The following LRCH1 variants were observed in gnomAD, a reference collection of about 807,000 sequenced individuals.
LRCH1 encodes the protein leucine-rich repeat and calponin homology domain-containing protein 1.
A neutral mutation model predicts 94.9 loss-of-function variants in LRCH1; 23 were observed. The observed-to-expected ratio is 0.24, with a 90% CI of 0.17 to 0.34. LRCH1 has a LOEUF of 0.34. Ranked by LOEUF, LRCH1 falls within the 10% of genes least tolerant of loss-of-function variation. The probability of loss-of-function intolerance (pLI) is 1.00; values close to 1 mark genes in which losing one functional copy is unlikely to be tolerated. For synonymous variants in LRCH1, 364 were observed against 354.9 expected, an observed-to-expected ratio of 1.03 and a Z score of -0.29; for missense variants, 790 against 945.9, an observed-to-expected ratio of 0.84 and a Z score of 2.16.
intron 1 of LRCH1, among the ~76,000 whole-genome samples, chr13:46,644,703 T>C (rs914733607): frequency 1.3e-5 from 2 of 152,178 alleles, no homozygotes; most frequent in African/African-American, 2.4e-5. Flanking sequence ...AGGTGAATTC[T>C]CACTAACTCA....
chr13:46,658,492 T>C (rs1204271164), intron 2 of LRCH1, among the ~76,000 whole-genome samples: 2 of 152,192 alleles, frequency 1.3e-5, no homozygotes, highest in African/African-American at 4.8e-5. Context: ...TTTTCATTTT[T>C]GGTGATGGGC....
At chr13:46,674,587 G>A (rs532841942) in intron 3 of LRCH1, among the ~76,000 whole-genome samples, 47 of 152,332 alleles carry the variant, frequency 3.1e-4, no homozygotes, top group African/African-American at 1.1e-3. Flanking sequence ...CCTCACTGCT[G>A]TAGCAGTATG....
At chr13:46,715,762 C>T (rs916904245) in intron 16 of LRCH1, 98 bp downstream of exon 16, 1 of 748,256 alleles carries the variant, frequency 1.3e-6, no homozygotes, top group Non-Finnish European at 2.3e-6. Context: ...AGTATATTCA[C>T]CTGCATGCTT....
intron 2 of LRCH1, among the ~76,000 whole-genome samples, chr13:46,654,640 G>A (rs554491502): frequency 1.3e-5 from 2 of 152,298 alleles, no homozygotes; most frequent in South Asian, 2.1e-4. Flanking sequence ...TAATTTTGAT[G>A]TATGGGGAAG....
In LRCH1 at chr13:46,692,638, A is replaced by G; in HGVS notation, c.1117A>G (p.Lys373Glu). 1.9e-6 allele frequency: 3 copies of G among 1,612,124 alleles called. No homozygotes were observed. Among genetic ancestry groups the G allele is most frequent in the Non-Finnish European group, 2.5e-6 (3 of 1,178,556 alleles). Reference protein sequence around the residue: ...EDSCHRLSPVKGEFHQEFQPE... With the variant: ...EDSCHRLSPVEGEFHQEFQPE... ...CTCGTGCCATCGCCTTAGCCCCGTTAAAGGTCTGAGAATAAAAATGTGGAG... is the reference window on the plus strand; with the variant it reads ...CTCGTGCCATCGCCTTAGCCCCGTTGAAGGTCTGAGAATAAAAATGTGGAG... Residue 373 changes from lysine (K) to glutamate (E), a missense_variant, in exon 8 of 20, where the codon AAA becomes GAA. Physicochemically the swap from Lys to Glu is moderately conservative, Grantham distance 56. Transcript: ENST00000389797.
At chr13:46,619,096 C>CTTCT (rs752234675) in intron 1 of LRCH1, among the ~76,000 whole-genome samples, 2 of 60,472 alleles carry the variant, frequency 3.3e-5, no homozygotes, top group African/African-American at 1.2e-4. Flanking sequence ...TCCTTCCTTC[C>CTTCT]TTCCTTCCTT....
chr13:46,749,564 T>C (rs972336394), downstream of LRCH1, among the ~76,000 whole-genome samples: 1 of 152,200 alleles, frequency 6.6e-6, no homozygotes, highest in African/African-American at 2.4e-5. Flanking sequence ...CCACAATGTA[T>C]ACTTTTATCA....
intron 2 of LRCH1, among the ~76,000 whole-genome samples, chr13:46,652,395 G>GCT (rs1555278365): frequency 1.4e-5 from 2 of 146,604 alleles, no homozygotes; most frequent in Non-Finnish European, 3.0e-5. Context: ...TGTTTTTTTT[G>GCT]TTTTTTTTTT....
intron 1 of LRCH1, among the ~76,000 whole-genome samples, chr13:46,590,746 A>C (rs1212435575): frequency 6.6e-6 from 1 of 152,172 alleles, no homozygotes; most frequent in Non-Finnish European, 1.5e-5. Flanking sequence ...CCACAACTGA[A>C]TTGTCTATGC....
At chr13:46,723,158 A>G (rs922655455) in intron 16 of LRCH1, 63 bp from the exon 17 acceptor site, 2 of 805,598 alleles carry the variant, frequency 2.5e-6, no homozygotes, top group Non-Finnish European at 4.0e-6. Flanking sequence ...GTTTGATTTT[A>G]ATATGAATAG....
intron 2 of LRCH1, among the ~76,000 whole-genome samples, chr13:46,658,610 G>C (rs2051405893): frequency 6.6e-6 from 1 of 152,122 alleles, no homozygotes; most frequent in African/African-American, 2.4e-5. Context: ...CTCCGCAGGA[G>C]CTGGGACTAC....
At position 46,568,119 on chromosome 13, in the gene LRCH1, G is replaced by C. The variant is rs572225070; in HGVS notation, c.307+14416G>C. 2.6e-5 allele frequency among the ~76,000 whole-genome samples: 4 copies of C among 152,118 alleles called. No homozygotes were observed. The South Asian group carries it at 8.3e-4, about 32-fold the overall frequency. On this transcript the variant is annotated intron_variant, in intron 1 of 19. Coordinates refer to ENST00000389797, the MANE Select transcript of LRCH1 (RefSeq NM_001164211.2). Reference sequence around the variant, plus strand: ...CCCCATCACCTTTGGATAAGAAAAGGCTTTTGGACACAAGTCCATGCAACA... The same window carrying C: ...CCCCATCACCTTTGGATAAGAAAAGCCTTTTGGACACAAGTCCATGCAACA...
intron 1 of LRCH1, among the ~76,000 whole-genome samples, chr13:46,609,172 C>A (rs752381128): frequency 2.0e-5 from 3 of 152,236 alleles, no homozygotes; most frequent in Non-Finnish European, 4.4e-5. Context: ...TAAGCAGTGT[C>A]TGTTCTGCTG....
intron 10 of LRCH1, among the ~76,000 whole-genome samples, chr13:46,700,714 A>G (rs1409398163): frequency 1.3e-5 from 2 of 152,214 alleles, no homozygotes; most frequent in Non-Finnish European, 2.9e-5. Flanking sequence ...TATATGCATG[A>G]AAGTAATAAA....
At chr13:46,648,057 T>TA (rs2051245507) in intron 1 of LRCH1, among the ~76,000 whole-genome samples, 1 of 152,122 alleles carries the variant, frequency 6.6e-6, no homozygotes, top group Non-Finnish European at 1.5e-5. Flanking sequence ...ATGAAATAAT[T>TA]ATATAACTCA....
At chr13:46,678,491 G>T (rs1773127) in intron 3 of LRCH1, among the ~76,000 whole-genome samples, 22,341 of 151,974 alleles carry the variant, frequency 0.15, 2,051 homozygotes, top group African/African-American at 0.26. Flanking sequence ...TATTTGTCAG[G>T]ACAGGAAGTA....
At chr13:46,618,696 A>C (rs1022917860) in intron 1 of LRCH1, among the ~76,000 whole-genome samples, 1 of 152,252 alleles carries the variant, frequency 6.6e-6, no homozygotes, top group African/African-American at 2.4e-5. Flanking sequence ...TAAGTTAAAG[A>C]TAAAATAGAA....
chr13:46,669,046 G>T lies in LRCH1; in HGVS notation c.469G>T (p.Ala157Ser). The T allele has an allele frequency of 1.2e-6, 2 of 1,613,644 alleles. No individual in the cohort carries two copies. Among genetic ancestry groups the T allele is most frequent in the South Asian group, 1.1e-5 (1 of 91,034 alleles). The change falls in exon 3 of 20, where the codon GCC becomes TCC. Residue 157 changes from alanine to serine, a missense_variant. Around this residue, in one of 3 missense-constraint regions of LRCH1, gnomAD observed 194 missense variants for 293.5 expected, o/e 0.66. Coordinates refer to ENST00000389797, the MANE Select transcript of LRCH1 (RefSeq NM_001164211.2). ...TCTTTGCAGTCGAAATCAGCTGTCC[G>T]CCCTGCCTGCCTGCCTGTGTGGTCT... ...YLNLSRNQLS[A>S]LPACLCGLPL...
chr13:46,719,152 AG>A (rs1872479921), intron 16 of LRCH1, among the ~76,000 whole-genome samples: 1 of 74,496 alleles, frequency 1.3e-5, no homozygotes, highest in Non-Finnish European at 3.2e-5. Flanking sequence ...TTTATTTCAG[AG>A]TCTAATGCAT....
Sources: gnomAD v4.1 joint callset for allele counts (sites outside exome capture counted in the v4.1 genomes callset) on GRCh38, gnomAD v4.1.1 for gene constraint, gnomAD v4.1.1 regional missense constraint, MANE v1.5 for transcripts, NCBI Gene and HGNC (gene_info 2026-07-23, HGNC 2026-07-21) for gene names.